Variants in SGCD observed in about 807,000 individuals in gnomAD.
SGCD encodes sarcoglycan delta, also known as delta-sarcoglycan.
SGCD carries 18 observed loss-of-function variants against 36.6 expected under a neutral mutation model. The observed-to-expected ratio is 0.49, with a 90% CI of 0.34 to 0.73. The LOEUF (loss-of-function observed/expected upper bound fraction) is 0.73. Among genes scored for constraint, SGCD ranks in the 30% least tolerant of loss-of-function variants. The pLI, the probability that SGCD is intolerant of heterozygous loss-of-function variation, is 0.01. For synonymous variants in SGCD, 133 were observed against 130.6 expected (o/e 1.02, Z -0.12); for missense variants, 387 against 346.7 (o/e 1.12, Z -0.92).
intron 1 of SGCD, among the ~76,000 whole-genome samples, chr5:156,065,467 C>G (rs1760320656): frequency 1.8e-5 from 2 of 112,010 alleles, no homozygotes; most frequent in Non-Finnish European, 1.8e-5. Flanking sequence ...TGGTGCAGAG[C>G]TGAGTTCAAT....
chr5:156,274,835 C>T (rs981827394), intron 3 of SGCD, among the ~76,000 whole-genome samples: 5 of 152,130 alleles, frequency 3.3e-5, no homozygotes, highest in African/African-American at 1.2e-4. Flanking sequence ...ATACATGTTC[C>T]TCCTCTTCTC....
At chr5:156,510,229 G>T (rs1169756256) in intron 4 of SGCD, among the ~76,000 whole-genome samples, 1 of 152,144 alleles carries the variant, frequency 6.6e-6, no homozygotes, top group Non-Finnish European at 1.5e-5. Flanking sequence ...ATAGCATATT[G>T]TCTTGGGTAC....
intron 7 of SGCD, among the ~76,000 whole-genome samples, chr5:156,748,599 A>G (rs1194777551): frequency 6.6e-6 from 1 of 152,232 alleles, no homozygotes; most frequent in Non-Finnish European, 1.5e-5. Context: ...CCAAGCTGGT[A>G]TGCATCTAAT....
At chr5:156,620,658 A>C (rs1056325080) in intron 6 of SGCD, among the ~76,000 whole-genome samples, 4 of 152,226 alleles carry the variant, frequency 2.6e-5, no homozygotes, top group Non-Finnish European at 5.9e-5. Context: ...GCAGCTTCCT[A>C]TGCAGCAGCA....
intron 3 of SGCD, among the ~76,000 whole-genome samples, chr5:156,152,926 A>G (rs188194066): frequency 6.6e-6 from 1 of 151,810 alleles, no homozygotes; most frequent in East Asian, 1.9e-4. Context: ...ATCAGGTGAC[A>G]TCTCTCTCCC....
chr5:156,483,042 A>T (rs1388909493), intron 3 of SGCD, among the ~76,000 whole-genome samples: 1 of 152,030 alleles, frequency 6.6e-6, no homozygotes. Context: ...ATGTTTCCAG[A>T]CATTCTTGCC....
At chr5:156,116,043 A>C (rs1761897464) in intron 1 of SGCD, among the ~76,000 whole-genome samples, 1 of 152,152 alleles carries the variant, frequency 6.6e-6, no homozygotes, top group Non-Finnish European at 1.5e-5. Context: ...GGGGCTACAA[A>C]ACTTTGATCT....
intron 7 of SGCD, among the ~76,000 whole-genome samples, chr5:156,651,271 G>A (rs746601483): frequency 1.3e-5 from 2 of 152,036 alleles, no homozygotes; most frequent in Non-Finnish European, 2.9e-5. Flanking sequence ...CCTGTTGATA[G>A]TTTCTTTTGC....
At chr5:156,671,637 C>T (rs1221521424) in intron 7 of SGCD, among the ~76,000 whole-genome samples, 4 of 152,062 alleles carry the variant, frequency 2.6e-5, no homozygotes, top group African/African-American at 7.2e-5. Flanking sequence ...ATAGATGGGA[C>T]TTATTGGGTG....
chr5:156,276,583 A>C (rs1377763406), intron 3 of SGCD, among the ~76,000 whole-genome samples: 1 of 152,176 alleles, frequency 6.6e-6, no homozygotes, highest in East Asian at 1.9e-4. Flanking sequence ...ATAAGTATAT[A>C]TAGATTTACT....
In SGCD at chr5:156,468,582, C is replaced by T. The variant is rs182839336; in HGVS notation, c.193-40019C>T. The stretch of plus-strand genomic sequence containing the variant: ...TGGGCTCTAGAATTTGAATCATCCC[C>T]GTTGAATTGTTAGGTGTTTTATACT... On this transcript the variant is annotated intron_variant, in intron 3 of 8. Coordinates refer to ENST00000337851, the MANE Select transcript of SGCD (RefSeq NM_000337.6). Among the ~76,000 whole-genome samples, 38 of 152,236 alleles carry T rather than the reference C, an allele frequency of 2.5e-4. No individual in the cohort carries two copies. In the East Asian group the frequency reaches 5.4e-3, roughly 22 times the overall value.
chr5:155,974,152 A>T (rs1758062313), intron 1 of SGCD, among the ~76,000 whole-genome samples: 1 of 152,156 alleles, frequency 6.6e-6, no homozygotes, highest in Non-Finnish European at 1.5e-5. Context: ...AGCAGTTACT[A>T]CATATTTATG....
chr5:156,182,562 A>G (rs1345634350), intron 3 of SGCD, among the ~76,000 whole-genome samples: 1 of 152,140 alleles, frequency 6.6e-6, no homozygotes, highest in Non-Finnish European at 1.5e-5. Flanking sequence ...GTGCAGCTGC[A>G]CTCCAGCCTG....
chr5:156,153,104 G>T (rs10055361), intron 3 of SGCD, among the ~76,000 whole-genome samples: 5,982 of 151,606 alleles, frequency 0.039, 621 homozygotes, highest in African/African-American at 0.14. Context: ...TTGCTGTGTT[G>T]TCTTGTTCAA....
At chr5:156,045,109 C>G (rs1759730804) in intron 1 of SGCD, among the ~76,000 whole-genome samples, 1 of 152,052 alleles carries the variant, frequency 6.6e-6, no homozygotes, top group Non-Finnish European at 1.5e-5. Context: ...GGGGACATTC[C>G]AAACCTATCC....
In SGCD at chr5:156,728,508, CAAAAAAAAAA is replaced by C. The variant is rs34726270; in HGVS notation, c.576-29054_576-29045del. ...CCTGGGTGACAGAGCGAGACTCTGT[CAAAAAAAAAA>C]AAAAAAAAAAAAAAAAAAGGTAGAG... On this transcript the variant is annotated intron_variant, in intron 7 of 8. Coordinates refer to ENST00000337851, the MANE Select transcript of SGCD (RefSeq NM_000337.6). 1.1e-3 allele frequency among the ~76,000 whole-genome samples: 50 copies of C among 46,552 alleles called. 3 individuals are homozygous for C. The South Asian group carries it at 0.064, about 60-fold the overall frequency. 30.5% of individuals were successfully genotyped at this position (46,552 alleles called of 152,430 possible).
At chr5:156,465,727 G>A (rs948066090) in intron 3 of SGCD, among the ~76,000 whole-genome samples, 8 of 152,114 alleles carry the variant, frequency 5.3e-5, no homozygotes, top group Non-Finnish European at 7.3e-5. Flanking sequence ...CTTCAGGCTC[G>A]TTCCAATTGA....
rs544819397 is a variant in SGCD, at chr5:156,721,564, G to T, written c.576-36017G>T. ...TTTAAAGGAGTTTTGATATCAAAGG[G>T]AGAGAAATTAGGCAGTAGTTGAAGG... On this transcript the variant is annotated intron_variant, in intron 7 of 8. Transcript: ENST00000337851. Among the ~76,000 whole-genome samples, 10 of 152,332 alleles carry T rather than the reference G, an allele frequency of 6.6e-5. 1 individual carries two copies. Among genetic ancestry groups the T allele is most frequent in the African/African-American group, 2.4e-4 (10 of 41,572 alleles).
intron 3 of SGCD, among the ~76,000 whole-genome samples, chr5:156,192,921 T>C (rs1763928714): frequency 1.6e-5 from 2 of 127,874 alleles, no homozygotes; most frequent in South Asian, 5.2e-4. Context: ...ACTCTGTCAT[T>C]GTAAAAGCAA....
Sources: allele counts gnomAD v4.1 joint callset (sites outside exome capture counted in the v4.1 genomes callset), GRCh38; gene constraint gnomAD v4.1.1; transcripts MANE v1.5; gene names NCBI Gene and HGNC (gene_info 2026-07-23, HGNC 2026-07-21).